AK4: variants seen among roughly 807,000 people sequenced by gnomAD.
The protein encoded by AK4 is adenylate kinase 4, also known as adenylate kinase 4, mitochondrial.
A neutral mutation model predicts 24.6 loss-of-function variants in AK4; 13 were observed. That is an observed-to-expected ratio of 0.53 (90% CI 0.34 to 0.84). The LOEUF is 0.84. Among genes scored for constraint, AK4 ranks in the 40% least tolerant of loss-of-function variants. AK4 has a pLI of 0.01. For missense variants in AK4, 192 were observed against 288.2 expected, an observed-to-expected ratio of 0.67 and a Z score of 2.42; for synonymous variants, 88 against 107.0, an observed-to-expected ratio of 0.82 and a Z score of 1.10.
intron 2 of AK4, among the ~76,000 whole-genome samples, chr1:65,202,135 C>T (rs756720652): frequency 1.3e-5 from 2 of 152,286 alleles, no homozygotes; most frequent in South Asian, 4.1e-4. Flanking sequence ...TGGTGGCTCA[C>T]GCTTGTAATC....
Position 65,190,748 on chromosome 1 carries a change from CTT to C in AK4, c.187_188del (p.Leu63GlyfsTer25). The C allele has an allele frequency of 2.5e-6, 4 of 1,613,976 alleles. No individual in the cohort carries two copies. Among genetic ancestry groups the C allele is most frequent in the Non-Finnish European group, 3.4e-6 (4 of 1,179,970 alleles). The stretch of plus-strand genomic sequence containing the variant: ...GGCAAAGCAGTATATAGAGAAAAGT[CTT>C]TTGGTTCCAGACCATGTGATCACAC... ...EMAKQYIEKS[L>X]LVPDHVITRL... On this transcript the variant is annotated frameshift_variant, in exon 2 of 5. Transcript: ENST00000327299. LOFTEE classifies it high-confidence loss of function.
Position 65,230,524 on chromosome 1 carries a change from AT to A in AK4, c.*4349del, listed in dbSNP as rs1652610448. 1 of 152,198 alleles carries A rather than the reference AT, an allele frequency of 6.6e-6. No individual in the cohort carries two copies. The highest frequency in any genetic ancestry group is 1.5e-5 in the Non-Finnish European group (1 of 68,038). 9.4% of individuals were successfully genotyped at this position (152,198 alleles called of 1,614,324 possible). Reference sequence around the variant, plus strand: ...TGTCTGTTTACTTCATGTTAGGCACATTACATGCATTGGCTAATCAAATCCT... The same window carrying A: ...TGTCTGTTTACTTCATGTTAGGCACATACATGCATTGGCTAATCAAATCCT... On this transcript the variant is annotated 3_prime_UTR_variant, in exon 5 of 5. Transcript: ENST00000327299.
chr1:65,188,564 C>T (rs866986537), intron 1 of AK4, among the ~76,000 whole-genome samples: 66 of 151,478 alleles, frequency 4.4e-4, no homozygotes, highest in African/African-American at 1.5e-3. Context: ...CTGCAAGCTC[C>T]GCCTCCTGGG....
chr1:65,211,170 A>G (rs1466073442), intron 2 of AK4, among the ~76,000 whole-genome samples: 2 of 152,232 alleles, frequency 1.3e-5, no homozygotes, highest in Non-Finnish European at 2.9e-5. Flanking sequence ...GGATTGTTTG[A>G]GGCCAGGAGT....
At chr1:65,158,997 T>G (rs889074744) in intron 1 of AK4, among the ~76,000 whole-genome samples, 4 of 152,352 alleles carry the variant, frequency 2.6e-5, no homozygotes, top group African/African-American at 9.6e-5. Context: ...CAGTCTCACC[T>G]CTAAGTTCTG....
intron 4 of AK4, among the ~76,000 whole-genome samples, chr1:65,225,611 G>C (rs1652429508): frequency 1.3e-5 from 2 of 152,156 alleles, no homozygotes; most frequent in Admixed American, 1.3e-4. Flanking sequence ...TTTATACTCT[G>C]TTACAATCAC....
At chr1:65,166,119 T>C (rs1269476247) in intron 1 of AK4, 1 of 152,186 alleles carries the variant, frequency 6.6e-6, no homozygotes, top group African/African-American at 2.4e-5. Flanking sequence ...TTGTAAACTT[T>C]GGGGGAAGTT....
At chr1:65,212,360 G>A (rs1025234278) in intron 2 of AK4, among the ~76,000 whole-genome samples, 7 of 151,090 alleles carry the variant, frequency 4.6e-5, no homozygotes, top group African/African-American at 1.2e-4. Flanking sequence ...TCAGTGGCGC[G>A]ATCTCAGTGC....
At chr1:65,210,072 T>C (rs1437650294) in intron 2 of AK4, among the ~76,000 whole-genome samples, 5 of 152,226 alleles carry the variant, frequency 3.3e-5, no homozygotes, top group Admixed American at 3.3e-4. Flanking sequence ...GCTGGGACTG[T>C]AGGTGTTGAC....
intron 2 of AK4, among the ~76,000 whole-genome samples, chr1:65,208,983 A>G (rs886721652): frequency 4.7e-5 from 5 of 107,328 alleles, no homozygotes; most frequent in African/African-American, 1.4e-4. Flanking sequence ...CACTTAGTAA[A>G]TATTTTGTGG....
At chr1:65,150,796 C>G (rs1444652305) in intron 1 of AK4, among the ~76,000 whole-genome samples, 1 of 152,114 alleles carries the variant, frequency 6.6e-6, no homozygotes, top group African/African-American at 2.4e-5. Context: ...CTCCGGCCAT[C>G]TGCTCCAGCC....
At chr1:65,195,061 T>C (rs953358114) in intron 2 of AK4, among the ~76,000 whole-genome samples, 1 of 152,184 alleles carries the variant, frequency 6.6e-6, no homozygotes, top group African/African-American at 2.4e-5. Context: ...AATTTATTTC[T>C]CACAGTTCTG....
rs1346682594 is a variant in AK4, at chr1:65,228,180, C to T, written c.*2003C>T. 2.0e-5 allele frequency: 3 copies of T among 152,132 alleles called. No homozygotes were observed. Among genetic ancestry groups the T allele is most frequent in the African/African-American group, 7.2e-5 (3 of 41,520 alleles). The allele number at this position is 152,132 out of a possible 1,614,324, so 9.4% of individuals were successfully genotyped here. A position where few individuals can be genotyped will look rare whatever the true frequency, so the allele number is the denominator to read the frequency against. ...AGTTATGCCGTAGAGAAAATTTCCA[C>T]AAACTAGGAAATGTAGAGAGTTATT... On this transcript the variant is annotated 3_prime_UTR_variant, in exon 5 of 5. Transcript: ENST00000327299.
At chr1:65,150,617 T>A (rs1468147273) in intron 1 of AK4, among the ~76,000 whole-genome samples, 1 of 152,126 alleles carries the variant, frequency 6.6e-6, no homozygotes, top group East Asian at 1.9e-4. Flanking sequence ...CTTTCCACGG[T>A]ATTTATTTTT....
At position 65,190,715 on chromosome 1, in the gene AK4, G is replaced by T; in HGVS notation, c.151G>T (p.Gly51Cys). 1 of 1,608,794 alleles carries T rather than the reference G, an allele frequency of 6.2e-7. No individual in the cohort carries two copies. The highest frequency in any genetic ancestry group is 8.5e-7 in the Non-Finnish European group (1 of 1,178,288). ...RENIKASTEV[G>C]EMAKQYIEKS... ...TTTTCTTGTCTTTTTAATAGAAGTTGGTGAGATGGCAAAGCAGTATATAGA... is the reference window on the plus strand; with the variant it reads ...TTTTCTTGTCTTTTTAATAGAAGTTTGTGAGATGGCAAAGCAGTATATAGA... Residue 51 changes from glycine to cysteine, a missense_variant, in exon 2 of 5, where the codon GGT (glycine) becomes TGT (cysteine). By Grantham distance (159) the Gly-to-Cys change is radical (BLOSUM62 -3). Transcript: ENST00000327299.
intron 1 of AK4, among the ~76,000 whole-genome samples, chr1:65,181,212 G>A (rs575874469): frequency 2.6e-5 from 4 of 151,360 alleles, no homozygotes; most frequent in Non-Finnish European, 4.4e-5. Flanking sequence ...AAGAAACAGA[G>A]TGTTATCAGT....
chr1:65,188,923 C>A (rs985237350), intron 1 of AK4, among the ~76,000 whole-genome samples: 3 of 151,784 alleles, frequency 2.0e-5, no homozygotes, highest in African/African-American at 7.3e-5. Context: ...TATAGGTGCC[C>A]GCCACCTAAT....
At chr1:65,168,605 C>A (rs1188174362) in intron 1 of AK4, among the ~76,000 whole-genome samples, 3 of 152,122 alleles carry the variant, frequency 2.0e-5, no homozygotes, top group Non-Finnish European at 4.4e-5. Context: ...TCTCCATATT[C>A]TATTCTCTTT....
intron 2 of AK4, among the ~76,000 whole-genome samples, chr1:65,193,719 T>C (rs1217047178): frequency 1.3e-5 from 2 of 152,228 alleles, no homozygotes; most frequent in Non-Finnish European, 2.9e-5. Flanking sequence ...GAAAAGTCAG[T>C]CCTCCATGTG....
Sources: allele counts gnomAD v4.1 joint callset (sites outside exome capture counted in the v4.1 genomes callset), GRCh38; gene constraint gnomAD v4.1.1; transcripts MANE v1.5; gene names NCBI Gene and HGNC (gene_info 2026-07-23, HGNC 2026-07-21).